Variants in LRMDA observed in about 807,000 individuals in gnomAD.
LRMDA encodes leucine rich melanocyte differentiation associated, also known as leucine-rich melanocyte differentiation-associated protein.
Under a neutral mutation model 29.8 loss-of-function variants are expected in LRMDA, and 18 were observed. The ratio of observed to expected loss-of-function variants is 0.60; its 90% CI spans 0.42 to 0.90. The LOEUF (loss-of-function observed/expected upper bound fraction) is 0.90. Among genes scored for constraint, LRMDA ranks in the 40% least tolerant of loss-of-function variants. The pLI, the probability that LRMDA is intolerant of heterozygous loss-of-function variation, is 0.00. For synonymous variants in LRMDA, 125 were observed against 109.4 expected (o/e 1.14, Z -0.89); for missense variants, 273 against 273.9 (o/e 1.00, Z 0.02).
intron 5 of LRMDA, among the ~76,000 whole-genome samples, chr10:76,138,080 C>A (rs1421693791): frequency 6.6e-6 from 1 of 152,174 alleles, no homozygotes; most frequent in East Asian, 1.9e-4. Flanking sequence ...CTGTTTAAAC[C>A]TGGACAACTT....
intron 2 of LRMDA, among the ~76,000 whole-genome samples, chr10:75,511,537 T>C (rs577312028): frequency 6.6e-6 from 1 of 152,292 alleles, no homozygotes; most frequent in South Asian, 2.1e-4. Context: ...ACCCCATGTG[T>C]CTCTTTGTAA....
chr10:75,543,564 C>A (rs911783374), intron 2 of LRMDA, among the ~76,000 whole-genome samples: 19 of 152,060 alleles, frequency 1.2e-4, no homozygotes, highest in Non-Finnish European at 5.9e-5. Flanking sequence ...TTCACCAGCC[C>A]AGTATTTATT....
chr10:76,061,095 A>T (rs905559208), intron 5 of LRMDA, among the ~76,000 whole-genome samples: 8 of 152,204 alleles, frequency 5.3e-5, no homozygotes, highest in Non-Finnish European at 1.2e-4. Context: ...AACACTATTC[A>T]CAATAGCAAA....
intron 2 of LRMDA, among the ~76,000 whole-genome samples, chr10:75,695,660 C>T (rs1842224651): frequency 6.6e-6 from 1 of 152,134 alleles, no homozygotes; most frequent in African/African-American, 2.4e-5. Context: ...CTCTTCTTCA[C>T]TTGGTTTTGT....
intron 2 of LRMDA, among the ~76,000 whole-genome samples, chr10:75,603,466 A>G (rs533885386): frequency 8.5e-5 from 13 of 152,302 alleles, no homozygotes; most frequent in Non-Finnish European, 1.5e-4. Flanking sequence ...TAATTCTAAT[A>G]TCATATAAAG....
intron 2 of LRMDA, among the ~76,000 whole-genome samples, chr10:75,822,846 C>T (rs1158388133): frequency 6.6e-6 from 1 of 152,100 alleles, no homozygotes; most frequent in Non-Finnish European, 1.5e-5. Flanking sequence ...CTCAGACTCC[C>T]AAGTAGTTGA....
chr10:75,577,292 G>A (rs896512286), intron 2 of LRMDA, among the ~76,000 whole-genome samples: 1 of 152,092 alleles, frequency 6.6e-6, no homozygotes, highest in East Asian at 1.9e-4. Context: ...GGATATCAGA[G>A]ATTGAAGATC....
chr10:75,730,206 T>C (rs1842679556), intron 2 of LRMDA, among the ~76,000 whole-genome samples: 2 of 152,174 alleles, frequency 1.3e-5, no homozygotes, highest in Admixed American at 1.3e-4. Context: ...ACTGTGACCA[T>C]TCTTGTTGAT....
intron 2 of LRMDA, among the ~76,000 whole-genome samples, chr10:75,639,837 C>T (rs538022750): frequency 1.1e-4 from 16 of 152,292 alleles, no homozygotes; most frequent in Middle Eastern, 3.4e-3. Flanking sequence ...TTGTCCTGCG[C>T]GGCTGCGCTC....
chr10:76,383,410 CTT>C lies in LRMDA; in HGVS notation c.601+58928_601+58929del, dbSNP rs1160396083. 4.2e-5 allele frequency among the ~76,000 whole-genome samples: 5 copies of C among 119,604 alleles called. No homozygotes were observed. The East Asian group carries it at 1.3e-3, about 30-fold the overall frequency. 78.5% of individuals were successfully genotyped at this position (119,604 alleles called of 152,430 possible). Reference sequence around the variant, plus strand: ...TTCAGTTTTTTGAGTACACCAATGTCTTTTCTTTTTTTTTTTTTTTTTTTTTT... The same window carrying C: ...TTCAGTTTTTTGAGTACACCAATGTCTTCTTTTTTTTTTTTTTTTTTTTTT... On this transcript the variant is annotated intron_variant, in intron 6 of 6. Coordinates refer to ENST00000611255, the MANE Select transcript of LRMDA (RefSeq NM_001305581.2).
intron 6 of LRMDA, among the ~76,000 whole-genome samples, chr10:76,505,465 T>A (rs1284406220): frequency 6.6e-6 from 1 of 152,104 alleles, no homozygotes; most frequent in Non-Finnish European, 1.5e-5. Context: ...TTTTTAAAAA[T>A]TATTTTTTAA....
In LRMDA at chr10:75,590,726, C is replaced by CTTTTTTTTTTTTTTTTTTTTTTT. The variant is rs67966004; in HGVS notation, c.131+152252_131+152274dup. ...CTCCTAACTCTCACAATAAAATAGT[C>CTTTTTTTTTTTTTTTTTTTTTTT]TTTTTTTTTTTTTTTTTTTTTTTTT... On this transcript the variant is annotated intron_variant, in intron 2 of 6. Transcript: ENST00000611255. Among the ~76,000 whole-genome samples the CTTTTTTTTTTTTTTTTTTTTTTT allele has an allele frequency of 8.4e-5, 6 of 71,384 alleles. 1 individual carries two copies. Among genetic ancestry groups the CTTTTTTTTTTTTTTTTTTTTTTT allele is most frequent in the South Asian group, 6.2e-4 (1 of 1,610 alleles). The allele number at this position is 71,384 out of a possible 152,430, so 46.8% of individuals were successfully genotyped here. A position where few individuals can be genotyped will look rare whatever the true frequency, so the allele number is the denominator to read the frequency against.
intron 5 of LRMDA, among the ~76,000 whole-genome samples, chr10:76,211,243 T>G (rs2132245627): frequency 6.6e-6 from 1 of 152,360 alleles, no homozygotes; most frequent in South Asian, 2.1e-4. Context: ...CTGGAAAGAC[T>G]TCCTGGACTG....
At chr10:75,734,882 G>T (rs1304318103) in intron 2 of LRMDA, among the ~76,000 whole-genome samples, 1 of 152,168 alleles carries the variant, frequency 6.6e-6, no homozygotes, top group Non-Finnish European at 1.5e-5. Flanking sequence ...TTCTTATAGA[G>T]GCCCACCCTG....
chr10:75,781,047 G>A (rs543023835), intron 2 of LRMDA, among the ~76,000 whole-genome samples: 289 of 152,230 alleles, frequency 1.9e-3, no homozygotes, highest in Non-Finnish European at 2.8e-3. Context: ...CTCTTTCTCC[G>A]AAGTGACCCA....
intron 2 of LRMDA, among the ~76,000 whole-genome samples, chr10:75,502,905 G>A (rs1172599259): frequency 6.6e-6 from 1 of 152,070 alleles, no homozygotes; most frequent in Non-Finnish European, 1.5e-5. Context: ...CCAGGTAGAG[G>A]CAACCTTTTC....
At chr10:75,903,915 G>A (rs1359460229) in intron 2 of LRMDA, among the ~76,000 whole-genome samples, 5 of 152,280 alleles carry the variant, frequency 3.3e-5, no homozygotes, top group East Asian at 1.9e-4. Context: ...CAGCTTCTTC[G>A]CAAATGAAAT....
At chr10:75,662,680 G>C (rs1262026201) in intron 2 of LRMDA, among the ~76,000 whole-genome samples, 1 of 152,204 alleles carries the variant, frequency 6.6e-6, no homozygotes, top group Non-Finnish European at 1.5e-5. Flanking sequence ...CATCAGTGTA[G>C]CTTGTCTTTT....
intron 5 of LRMDA, among the ~76,000 whole-genome samples, chr10:76,284,519 G>T (rs1840246656): frequency 6.6e-6 from 1 of 152,200 alleles, no homozygotes; most frequent in African/African-American, 2.4e-5. Context: ...GTTGTTTGAA[G>T]CTGCTAAGTT....
Sources: allele counts gnomAD v4.1 joint callset (sites outside exome capture counted in the v4.1 genomes callset), GRCh38; gene constraint gnomAD v4.1.1; transcripts MANE v1.5; gene names NCBI Gene and HGNC (gene_info 2026-07-23, HGNC 2026-07-21).